The following RHOD variants were observed in gnomAD, a reference collection of about 807,000 sequenced individuals.
The protein encoded by RHOD is ras homolog family member D.
Under a neutral mutation model 16.7 loss-of-function variants are expected in RHOD, and 11 were observed. The observed-to-expected ratio is 0.66, with a 90% confidence interval of 0.41 to 1.09. The LOEUF is 1.09. Ranked by LOEUF, RHOD falls within the 50% of genes least tolerant of loss-of-function variation. The pLI is 0.00. For synonymous variants in RHOD, 124 were observed against 126.3 expected (o/e 0.98, Z 0.12); for missense variants, 271 against 291.7 (o/e 0.93, Z 0.52).
In RHOD at chr11:67,066,828, T is replaced by C. The variant is rs141423458; in HGVS notation, c.311T>C (p.Phe104Ser). The change falls in exon 3 of 5, where the codon TTT becomes TCT. Residue 104 changes from phenylalanine (F) to serine (S), a missense_variant. Coordinates refer to ENST00000308831, the MANE Select transcript of RHOD (RefSeq NM_014578.4). The part of the protein sequence containing the change: ...LCFDVTSPNS[F>S]DNIFNRWYPE... ...TTCGATGTCACCAGCCCGAACAGCT[T>C]TGACAACATCTTTAACCGGGTAGGT... The C allele has an allele frequency of 4.3e-6, 7 of 1,612,988 alleles. No homozygotes were observed. In the South Asian group the frequency reaches 7.7e-5, roughly 18 times the overall value.
intron 1 of RHOD, among the ~76,000 whole-genome samples, chr11:67,057,551 T>C (rs1475327652): frequency 2.6e-5 from 4 of 151,900 alleles, no homozygotes; most frequent in Non-Finnish European, 4.4e-5. Flanking sequence ...TCACGGAGAG[T>C]TGGCACATGT....
At chr11:67,063,800 CAAAAAA>C (rs71045978) in intron 1 of RHOD, among the ~76,000 whole-genome samples, 25 of 37,926 alleles carry the variant, frequency 6.6e-4, no homozygotes, top group African/African-American at 2.4e-3. Context: ...GACTCTCTCT[CAAAAAA>C]AAAAAAAAAA....
chr11:67,066,696 G>T, intron 2 of RHOD, 42 bp from the exon 3 acceptor site: 1 of 1,275,294 alleles, frequency 7.8e-7, no homozygotes, highest in East Asian at 2.3e-5. Context: ...GCTGACAGGG[G>T]CCAGGAGCCC....
chr11:67,057,372 A>G (rs1001709159), intron 1 of RHOD, among the ~76,000 whole-genome samples: 1 of 152,196 alleles, frequency 6.6e-6, no homozygotes, highest in African/African-American at 2.4e-5. Flanking sequence ...GGTTCAAATT[A>G]TGGCTTTGCC....
At chr11:67,059,616 G>A (rs1854861859) in intron 1 of RHOD, among the ~76,000 whole-genome samples, 1 of 151,952 alleles carries the variant, frequency 6.6e-6, no homozygotes, top group African/African-American at 2.4e-5. Context: ...ACGTGTAAGA[G>A]TTGGAAAGGC....
chr11:67,070,553 C>G lies in RHOD; in HGVS notation c.459C>G (p.Tyr153Ter), dbSNP rs992411859. The G allele has an allele frequency of 1.9e-6, 3 of 1,613,930 alleles. No homozygotes were observed. In the African/African-American group the frequency reaches 4.0e-5, roughly 22 times the overall value. ...LRRNGLEPVT[Y>*]HRGQEMARSV... ...GAAACGGATTGGAGCCTGTGACCTA[C>G]CACAGGGTAGGAAACCCAGCCCGAG... The change falls in exon 4 of 5, where the codon TAC becomes TAG. Residue 153 changes from tyrosine to a stop codon, truncating the protein, a stop_gained. Transcript: ENST00000308831. LOFTEE classifies it low-confidence loss of function (END_TRUNC).
At chr11:67,058,422 CACCTTGGCCTCCCA>C (rs1485870180) in intron 1 of RHOD, among the ~76,000 whole-genome samples, 1 of 152,174 alleles carries the variant, frequency 6.6e-6, no homozygotes, top group Non-Finnish European at 1.5e-5. Flanking sequence ...GTGATCCGCC[CACCTTGGCCTCCCA>C]AAATGCTGGG....
chr11:67,071,648 C>A lies in RHOD; in HGVS notation c.*46C>A. The A allele has an allele frequency of 6.6e-7, 1 of 1,515,300 alleles. No individual in the cohort carries two copies. Among genetic ancestry groups the A allele is most frequent in the South Asian group, 1.2e-5 (1 of 80,922 alleles). 93.9% of individuals were successfully genotyped at this position (1,515,300 alleles called of 1,614,324 possible). On this transcript the variant is annotated 3_prime_UTR_variant, in exon 5 of 5. Coordinates refer to ENST00000308831, the MANE Select transcript of RHOD (RefSeq NM_014578.4). Reference sequence around the variant, plus strand: ...GACGCGGGAAGGGGCAGGGCGCTGACCTGCTGCTGAGCTGGCTGGGCTGGA... The same window carrying A: ...GACGCGGGAAGGGGCAGGGCGCTGAACTGCTGCTGAGCTGGCTGGGCTGGA...
intron 1 of RHOD, among the ~76,000 whole-genome samples, chr11:67,058,790 G>C (rs569281506): frequency 1.3e-5 from 2 of 152,190 alleles, no homozygotes; most frequent in South Asian, 4.1e-4. Context: ...TGCTGCAGTG[G>C]CATTGAGCCA....
chr11:67,058,458 G>A (rs889672259), intron 1 of RHOD, among the ~76,000 whole-genome samples: 3 of 152,208 alleles, frequency 2.0e-5, no homozygotes, highest in Admixed American at 2.0e-4. Flanking sequence ...TTACAGGTGT[G>A]AGCCACCACA....
At chr11:67,071,053 C>T (rs1235045957) in intron 4 of RHOD, among the ~76,000 whole-genome samples, 1 of 151,906 alleles carries the variant, frequency 6.6e-6, no homozygotes, top group Non-Finnish European at 1.5e-5. Flanking sequence ...GGCAAAATAG[C>T]GAGACCCTGT....
At chr11:67,067,345 C>G (rs1345408372) in intron 3 of RHOD, among the ~76,000 whole-genome samples, 1 of 152,162 alleles carries the variant, frequency 6.6e-6, no homozygotes, top group Non-Finnish European at 1.5e-5. Context: ...CCACTGCTGC[C>G]AGGGCCTCCG....
At chr11:67,061,755 A>ATATATATAT (rs1555071106) in intron 1 of RHOD, among the ~76,000 whole-genome samples, 25 of 127,248 alleles carry the variant, frequency 2.0e-4, no homozygotes, top group African/African-American at 8.1e-4. Flanking sequence ...AAAAAAAAAA[A>ATATATATAT]ATATATATAT....
In RHOD at chr11:67,065,976, C is replaced by T. The variant is rs1854955154; in HGVS notation, c.213C>T (p.Asp71=). The T allele has an allele frequency of 1.3e-6, 2 of 1,559,506 alleles. No individual in the cohort carries two copies. Among genetic ancestry groups the T allele is most frequent in the Admixed American group, 1.7e-5 (1 of 59,598 alleles). The change falls in exon 2 of 5, where the codon GAC becomes GAT. Residue 71 remains aspartate, a synonymous_variant. Coordinates refer to ENST00000308831, the MANE Select transcript of RHOD (RefSeq NM_014578.4). Reference sequence around the variant, plus strand: ...AACCTGTGCACCTCCACATCTGGGACACAGCAGGTGGGTGTGCAGGGGTGG... The same window carrying T: ...AACCTGTGCACCTCCACATCTGGGATACAGCAGGTGGGTGTGCAGGGGTGG... The part of the protein sequence containing the change: ...KGKPVHLHIW[D]TAGQDDYDRL...
At chr11:67,059,497 C>T (rs1259070171) in intron 1 of RHOD, among the ~76,000 whole-genome samples, 8 of 151,900 alleles carry the variant, frequency 5.3e-5, no homozygotes, top group Admixed American at 5.3e-4. Flanking sequence ...GAACCGAGAT[C>T]GCGCCATTGC....
In RHOD at chr11:67,065,879, G is replaced by A. The variant is rs767992762; in HGVS notation, c.133-17G>A. 3.4e-5 allele frequency: 55 copies of A among 1,595,292 alleles called. No homozygotes were observed. Among genetic ancestry groups the A allele is most frequent in the Non-Finnish European group, 4.1e-5 (48 of 1,163,538 alleles). On this transcript the variant is annotated splice_polypyrimidine_tract_variant and intron_variant, in intron 1 of 4. Transcript: ENST00000308831. ...CCGAAGCCTCCTCACACCCTCCCCC[G>A]CCCTGCTTCTCCTCAGAGCTACACC... is the stretch of plus-strand genomic sequence containing the variant.
rs537878033 is a variant in RHOD, at chr11:67,060,345, T to C, written c.132+3311T>C. 3.3e-5 allele frequency among the ~76,000 whole-genome samples: 5 copies of C among 152,352 alleles called. No homozygotes were observed. The East Asian group carries it at 9.7e-4, about 29-fold the overall frequency. On this transcript the variant is annotated intron_variant, in intron 1 of 4. Transcript: ENST00000308831. ...CCTGGTCCAGCACAGGCCCAGTCCT[T>C]CTTTTCTGGCTGAGGACGGCTTAAC...
chr11:67,066,082 G>C (rs1008069276), intron 2 of RHOD, 99 bp downstream of exon 2: 1 of 983,386 alleles, frequency 1.0e-6, no homozygotes, highest in Non-Finnish European at 1.5e-6. Context: ...AGGGAGGCCA[G>C]CCAGTCTCCA....
chr11:67,056,969 G>T lies in RHOD; in HGVS notation c.67G>T (p.Val23Leu). ...PGVRSVKVVL[V>L]GDGGCGKTSL... ...CGTGCGGTCCGTCAAGGTGGTCCTG[G>T]TGGGCGACGGCGGCTGCGGGAAGAC... The change falls in exon 1 of 5, where the codon GTG (valine) becomes TTG (leucine). Residue 23 changes from valine (V) to leucine (L), a missense_variant. Physicochemically the swap from Val to Leu is conservative, Grantham distance 32 (BLOSUM62 1). Transcript: ENST00000308831. 1 of 1,505,382 alleles carries T rather than the reference G, an allele frequency of 6.6e-7. No homozygotes were observed. Among genetic ancestry groups the T allele is most frequent in the Admixed American group, 2.2e-5 (1 of 45,070 alleles). The allele number at this position is 1,505,382 out of a possible 1,614,324, so 93.3% of individuals were successfully genotyped here. A position where few individuals can be genotyped will look rare whatever the true frequency, so the allele number is the denominator to read the frequency against.
Sources: allele counts gnomAD v4.1 joint callset (sites outside exome capture counted in the v4.1 genomes callset), GRCh38; gene constraint gnomAD v4.1.1; transcripts MANE v1.5; gene names NCBI Gene and HGNC (gene_info 2026-07-23, HGNC 2026-07-21).